PLBD1: variants seen among roughly 807,000 people sequenced by gnomAD.
PLBD1 encodes lysosomal leucine aminopeptidase.
A neutral mutation model predicts 63.0 loss-of-function variants in PLBD1; 60 were observed. That is an observed-to-expected ratio of 0.95 (90% CI 0.77 to 1.18). The LOEUF (loss-of-function observed/expected upper bound fraction) is 1.18. PLBD1 is among the 50% of genes most tolerant of loss of function. The pLI, the probability that PLBD1 is intolerant of heterozygous loss-of-function variation, is 0.00. For missense variants in PLBD1, 598 were observed against 677.9 expected, an observed-to-expected ratio of 0.88 and a Z score of 1.31; for synonymous variants, 262 against 248.0, an observed-to-expected ratio of 1.06 and a Z score of -0.53.
intron 6 of PLBD1, among the ~76,000 whole-genome samples, chr12:14,532,080 ACCCTCCCCCACCTTCAC>A (rs1945468756): frequency 2.0e-5 from 3 of 151,872 alleles, no homozygotes; most frequent in African/African-American, 7.3e-5. Context: ...TTCATGCTGA[ACCCTCCCCCACCTTCAC>A]TCCTCACCCA....
At chr12:14,510,414 T>A (rs527339804) in intron 8 of PLBD1, among the ~76,000 whole-genome samples, 3 of 152,236 alleles carry the variant, frequency 2.0e-5, no homozygotes, top group Admixed American at 6.5e-5. Flanking sequence ...AAAATTAAAA[T>A]TAAAAACCAC....
Position 14,567,576 on chromosome 12 carries a change from G to C in PLBD1, c.115+6C>G, listed in dbSNP as rs1331023999. On this transcript the variant is annotated splice_donor_region_variant and intron_variant, in intron 1 of 10. Coordinates refer to ENST00000240617, the MANE Select transcript of PLBD1 (RefSeq NM_024829.6). ...GCGCCCCCCGCCCAGGGCGCGCTCT[G>C]CTCACCTGCAGGTTTCGGCGGCTCC... 6.7e-7 allele frequency: 1 copy of C among 1,497,140 alleles called. No homozygotes were observed. Among genetic ancestry groups the C allele is most frequent in the South Asian group, 1.2e-5 (1 of 81,180 alleles). 92.7% of individuals were successfully genotyped at this position (1,497,140 alleles called of 1,614,324 possible). A position where few individuals can be genotyped will look rare whatever the true frequency, so the allele number is the denominator to read the frequency against.
chr12:14,513,464 C>T (rs1019846118), intron 6 of PLBD1, among the ~76,000 whole-genome samples: 9 of 152,148 alleles, frequency 5.9e-5, no homozygotes, highest in Non-Finnish European at 1.0e-4. Flanking sequence ...TCAAATCACC[C>T]CACCAGCCCT....
At position 14,511,281 on chromosome 12, in the gene PLBD1, G is replaced by C; in HGVS notation, c.1165C>G (p.Gln389Glu). The C allele has an allele frequency of 6.2e-7, 1 of 1,600,284 alleles. No individual in the cohort carries two copies. The highest frequency in any genetic ancestry group is 8.5e-7 in the Non-Finnish European group (1 of 1,175,832). ...GTACCTTTCCGTAGAACATCAGTTT[G>C]TTCAGAATATTCTACATATGTAGGA... ...QIPTYVEYSEQTDVLRKGYWP... is the reference protein window; with the variant it reads ...QIPTYVEYSEETDVLRKGYWP... The change falls in exon 8 of 11, where the codon CAA (glutamine) becomes GAA (glutamate). Residue 389 changes from glutamine to glutamate, a missense_variant. Gln to Glu is a conservative substitution (Grantham distance 29). Coordinates refer to ENST00000240617, the MANE Select transcript of PLBD1 (RefSeq NM_024829.6).
rs1224119949 is a variant in PLBD1 at position 14,540,770 on chromosome 12, C to T, written c.552G>A (p.Gly184=). Residue 184 remains glycine, a synonymous_variant, in exon 4 of 11, where the codon GGG becomes GGA. Coordinates refer to ENST00000240617, the MANE Select transcript of PLBD1 (RefSeq NM_024829.6). Reference sequence around the variant, plus strand: ...AGCTTGTTTAAAGTCCTACCTTTGTCCCTTCTAATATAGCCCTCTTCTTTG... The same window carrying T: ...AGCTTGTTTAAAGTCCTACCTTTGTTCCTTCTAATATAGCCCTCTTCTTTG... ...VGAKKRAILE[G]TKPMTLFQIQ... 6.3e-7 allele frequency: 1 copy of T among 1,590,060 alleles called. No homozygotes were observed. Among genetic ancestry groups the T allele is most frequent in the Non-Finnish European group, 8.6e-7 (1 of 1,164,064 alleles).
chr12:14,511,778 A>C, intron 6 of PLBD1, 67 bp from the exon 7 acceptor site: 1 of 1,449,960 alleles, frequency 6.9e-7, no homozygotes, highest in Non-Finnish European at 9.6e-7. Context: ...CATTATTGAC[A>C]AAGAGCTTTA....
chr12:14,567,127 C>T (rs1020342502), intron 1 of PLBD1, among the ~76,000 whole-genome samples: 3 of 152,084 alleles, frequency 2.0e-5, no homozygotes, highest in Non-Finnish European at 4.4e-5. Flanking sequence ...GGCCCTTAAG[C>T]CCACTGCCAG....
intron 3 of PLBD1, among the ~76,000 whole-genome samples, chr12:14,541,623 C>T (rs1187760105): frequency 6.6e-6 from 1 of 152,174 alleles, no homozygotes; most frequent in African/African-American, 2.4e-5. Flanking sequence ...CTCTATAGGA[C>T]TTTAAGCATT....
chr12:14,506,237 G>T lies in PLBD1; in HGVS notation c.1404C>A (p.Asp468Glu). The change falls in exon 10 of 11, where the codon GAC (aspartate) becomes GAA (glutamate). Residue 468 changes from aspartate to glutamate, a missense_variant. Transcript: ENST00000240617. ...CACGGCAGCAGATGGTATTACAGGGGTCACCTCTACTGTAAGGATCCTTCT... is the reference window on the plus strand; with the variant it reads ...CACGGCAGCAGATGGTATTACAGGGTTCACCTCTACTGTAAGGATCCTTCT... Reference protein sequence around the residue: ...NYKKDPYSRGDPCNTICCRED... With the variant: ...NYKKDPYSRGEPCNTICCRED... 2 of 1,612,712 alleles carry T rather than the reference G, an allele frequency of 1.2e-6. No individual in the cohort carries two copies. Among genetic ancestry groups the T allele is most frequent in the Non-Finnish European group, 1.7e-6 (2 of 1,179,032 alleles).
intron 1 of PLBD1, among the ~76,000 whole-genome samples, chr12:14,555,631 C>T (rs958464805): frequency 6.6e-6 from 1 of 152,152 alleles, no homozygotes; most frequent in African/African-American, 2.4e-5. Context: ...TCCTCATCAC[C>T]CACACGCACA....
chr12:14,526,200 G>C (rs1472815174), intron 6 of PLBD1, among the ~76,000 whole-genome samples: 1 of 152,106 alleles, frequency 6.6e-6, no homozygotes, highest in Non-Finnish European at 1.5e-5. Flanking sequence ...AAAAGTAAGA[G>C]ACTGTCAAAC....
At chr12:14,545,991 G>C (rs1945613518) in intron 2 of PLBD1, among the ~76,000 whole-genome samples, 1 of 152,158 alleles carries the variant, frequency 6.6e-6, no homozygotes, top group Admixed American at 6.5e-5. Context: ...TGGGTGACAA[G>C]AAAGGGATCC....
intron 4 of PLBD1, among the ~76,000 whole-genome samples, chr12:14,539,691 C>A (rs1346002031): frequency 3.3e-5 from 5 of 150,976 alleles, no homozygotes; most frequent in Admixed American, 3.3e-4. Context: ...GAGGATGAGG[C>A]AGGAGAATCA....
chr12:14,518,489 T>A (rs867034470), intron 6 of PLBD1, among the ~76,000 whole-genome samples: 1 of 152,136 alleles, frequency 6.6e-6, no homozygotes, highest in Non-Finnish European at 1.5e-5. Flanking sequence ...CATCTTAGAC[T>A]CCTGTTCTCA....
At chr12:14,559,319 T>C (rs959695817) in intron 1 of PLBD1, among the ~76,000 whole-genome samples, 3 of 152,070 alleles carry the variant, frequency 2.0e-5, no homozygotes, top group Admixed American at 2.0e-4. Context: ...AAGAAAGCCA[T>C]TTATTTATTT....
intron 6 of PLBD1, among the ~76,000 whole-genome samples, chr12:14,530,687 T>C (rs1945452329): frequency 6.6e-6 from 1 of 152,256 alleles, no homozygotes; most frequent in African/African-American, 2.4e-5. Context: ...TTCTCTGGAT[T>C]GGTTAAAACT....
intron 6 of PLBD1, among the ~76,000 whole-genome samples, chr12:14,532,735 C>T (rs1052669697): frequency 3.3e-5 from 5 of 152,106 alleles, no homozygotes; most frequent in Admixed American, 6.5e-5. Context: ...GAGAAGCTGA[C>T]CTGGATGGCT....
At position 14,535,669 on chromosome 12, in the gene PLBD1, G is replaced by A; in HGVS notation, c.834C>T (p.Ser278=). The change falls in exon 6 of 11, where the codon AGC becomes AGT. Residue 278 remains serine, a synonymous_variant. Coordinates refer to ENST00000240617, the MANE Select transcript of PLBD1 (RefSeq NM_024829.6). ...TTTAAATTCATTTACCTGGGTAACT[G>A]CTGAAAGAGAGGCGACTACTGCTGG... The part of the protein sequence containing the change: ...KDTSSSRLSF[S]SYPGFLESLD... The A allele has an allele frequency of 6.2e-7, 1 of 1,613,922 alleles. No individual in the cohort carries two copies. Among genetic ancestry groups the A allele is most frequent in the South Asian group, 1.1e-5 (1 of 91,056 alleles).
rs568473400 is a variant in PLBD1 at position 14,515,402 on chromosome 12, G to T, written c.845-3691C>A. Among the ~76,000 whole-genome samples, 19 of 151,568 alleles carry T rather than the reference G, an allele frequency of 1.3e-4. No individual in the cohort carries two copies. In the East Asian group the frequency reaches 3.7e-3, roughly 29 times the overall value. The stretch of plus-strand genomic sequence containing the variant: ...ATGAGGAGACAAAGAATCAAAGAAA[G>T]GTACTTAAAAAAAAAACAGAAATTA... On this transcript the variant is annotated intron_variant, in intron 6 of 10. Transcript: ENST00000240617.
Sources: gnomAD v4.1 joint callset for allele counts (sites outside exome capture counted in the v4.1 genomes callset) on GRCh38, gnomAD v4.1.1 for gene constraint, MANE v1.5 for transcripts, NCBI Gene and HGNC (gene_info 2026-07-23, HGNC 2026-07-21) for gene names.